The following ZNF789 variants were observed in gnomAD, a reference collection of about 807,000 sequenced individuals.
ZNF789 encodes zinc finger protein 789.
A neutral mutation model predicts 15.6 loss-of-function variants in ZNF789; 11 were observed. That is an observed-to-expected ratio of 0.70 (90% CI 0.44 to 1.16). ZNF789 has a LOEUF of 1.16. ZNF789 is among the 50% of genes most tolerant of loss of function. The pLI is 0.00. For missense variants in ZNF789, 461 were observed against 512.6 expected (o/e 0.90, Z 0.97); for synonymous variants, 159 against 176.0 (o/e 0.90, Z 0.76).
At chr7:99,486,323 A>T (rs990191135) in intron 4 of ZNF789, among the ~76,000 whole-genome samples, 153 bp from the exon 5 acceptor site, 1 of 152,150 alleles carries the variant, frequency 6.6e-6, no homozygotes, top group Admixed American at 6.6e-5. Context: ...TCAAAAAAAA[A>T]TTTCAGAGTT....
intron 3 of ZNF789, chr7:99,483,658 T>C: frequency 1.3e-6 from 1 of 777,118 alleles, no homozygotes; most frequent in Non-Finnish European, 2.4e-6. Context: ...AATACAAGGA[T>C]TTTTAATATC....
chr7:99,479,667 C>T lies in ZNF789; in HGVS notation c.31C>T (p.Leu11Phe). MFPPARGKELLSFEDVAMYFT... is the reference protein window; with the variant it reads MFPPARGKELFSFEDVAMYFT... ...TTATCAGCTACTTTTCCAGGAGCTG[C>T]TCTCGTTTGAGGATGTGGCGATGTA... Residue 11 changes from leucine to phenylalanine, a missense_variant, in exon 3 of 5, where the codon CTC becomes TTC. Coordinates refer to ENST00000331410, the MANE Select transcript of ZNF789 (RefSeq NM_213603.3). 1 of 1,592,698 alleles carries T rather than the reference C, an allele frequency of 6.3e-7. No individual in the cohort carries two copies. Among genetic ancestry groups the T allele is most frequent in the Admixed American group, 1.8e-5 (1 of 54,408 alleles).
At chr7:99,475,961 C>T (rs938188197) in intron 1 of ZNF789, among the ~76,000 whole-genome samples, 6 of 151,916 alleles carry the variant, frequency 3.9e-5, no homozygotes, top group African/African-American at 1.2e-4. Flanking sequence ...CCTGCCACCT[C>T]GCCCAGGTAA....
At chr7:99,473,445 A>G (rs1200175137) in intron 1 of ZNF789, among the ~76,000 whole-genome samples, 2 of 152,202 alleles carry the variant, frequency 1.3e-5, no homozygotes, top group Non-Finnish European at 2.9e-5. Flanking sequence ...TTGGAAAGCT[A>G]AATGAGGAAG....
At chr7:99,483,227 G>A (rs888802501) in intron 3 of ZNF789, among the ~76,000 whole-genome samples, 8 of 151,910 alleles carry the variant, frequency 5.3e-5, no homozygotes, top group Non-Finnish European at 4.4e-5. Context: ...GTGAAACTCC[G>A]TCTCAAAAAT....
At position 99,477,148 on chromosome 7, in the gene ZNF789, T is replaced by G. The variant is rs181125529; in HGVS notation, c.24+668T>G. 2.5e-3 allele frequency among the ~76,000 whole-genome samples: 383 copies of G among 152,126 alleles called. 2 individuals carry two copies. Among genetic ancestry groups the G allele is most frequent in the Non-Finnish European group, 2.0e-3 (136 of 67,994 alleles). The stretch of plus-strand genomic sequence containing the variant: ...TCCTCTGCCTCCCGGGTTCAAGTGA[T>G]TATCCTGCCTCAGCCTCCCAAGTAG... On this transcript the variant is annotated intron_variant, in intron 2 of 4. Coordinates refer to ENST00000331410, the MANE Select transcript of ZNF789 (RefSeq NM_213603.3).
chr7:99,479,522 C>A, intron 2 of ZNF789, 139 bp from the exon 3 acceptor site: 9 of 1,030,368 alleles, frequency 8.7e-6, no homozygotes, highest in South Asian at 2.0e-5. Flanking sequence ...CTGAAAGGAG[C>A]CCTGAATATA....
At chr7:99,481,016 A>C (rs946352931) in intron 3 of ZNF789, 1 of 152,254 alleles carries the variant, frequency 6.6e-6, no homozygotes. Context: ...GAAAGTGTTC[A>C]TGGGTAACAC....
chr7:99,484,159 A>T lies in ZNF789; in HGVS notation c.265+16A>T, dbSNP rs1284421125. ...GCTTGCCCAGGTGGGTGAGGAAGAG[A>T]CCCAGGCGAGTGGAATCAGGAAGAG... On this transcript the variant is annotated intron_variant, in intron 4 of 4. Transcript: ENST00000331410. 1 of 1,601,446 alleles carries T rather than the reference A, an allele frequency of 6.2e-7. No homozygotes were observed. The highest frequency in any genetic ancestry group is 1.3e-5 in the African/African-American group (1 of 74,226).
At chr7:99,484,275 G>C in intron 4 of ZNF789, 132 bp downstream of exon 4, 2 of 642,296 alleles carry the variant, frequency 3.1e-6, no homozygotes, top group East Asian at 5.5e-5. Context: ...CATCCCTACT[G>C]CCCTGTGAAG....
Position 99,487,075 on chromosome 7 carries a change from A to G in ZNF789, c.865A>G (p.Lys289Glu), listed in dbSNP as rs1423671498. 6.2e-7 allele frequency: 1 copy of G among 1,614,140 alleles called. No homozygotes were observed. Among genetic ancestry groups the G allele is most frequent in the South Asian group, 1.1e-5 (1 of 91,080 alleles). Reference sequence around the variant, plus strand: ...CAAAGAAAAACCTTATAAATGTAGCAAATGTGAAAAAACGTTTAGTCAGAA... The same window carrying G: ...CAAAGAAAAACCTTATAAATGTAGCGAATGTGAAAAAACGTTTAGTCAGAA... The part of the protein sequence containing the change: ...HTKEKPYKCS[K>E]CEKTFSQNST... The change falls in exon 5 of 5, where the codon AAA becomes GAA. Residue 289 changes from lysine to glutamate, a missense_variant. Physicochemically the swap from Lys to Glu is moderately conservative, Grantham distance 56. Coordinates refer to ENST00000331410, the MANE Select transcript of ZNF789 (RefSeq NM_213603.3).
chr7:99,474,015 A>G (rs1799164265), intron 1 of ZNF789, among the ~76,000 whole-genome samples: 1 of 152,176 alleles, frequency 6.6e-6, no homozygotes, highest in African/African-American at 2.4e-5. Context: ...TCCTGAACTC[A>G]AGGGAGAAAT....
At chr7:99,485,775 T>G (rs2151072501) in intron 4 of ZNF789, among the ~76,000 whole-genome samples, 1 of 152,280 alleles carries the variant, frequency 6.6e-6, no homozygotes, top group Non-Finnish European at 1.5e-5. Context: ...GAGGTTGCAA[T>G]GAGTTGAGAT....
chr7:99,479,581 T>A (rs183986103), intron 2 of ZNF789, 80 bp from the exon 3 acceptor site: 18 of 1,481,904 alleles, frequency 1.2e-5, no homozygotes, highest in Admixed American at 4.8e-5. Flanking sequence ...TCCCAAACCT[T>A]GGTTTCCTCA....
In ZNF789 at chr7:99,486,608, A is replaced by T. The variant is rs1421712919; in HGVS notation, c.398A>T (p.Lys133Ile). ...CTTTCAGAAAAGTTACATAAGTGTA[A>T]AGAATTTGTGGACAGTTGCAGGCTT... ...EKLSEKLHKC[K>I]EFVDSCRLTF... Residue 133 changes from lysine (K) to isoleucine (I), a missense_variant, in exon 5 of 5, where the codon AAA (lysine) becomes ATA (isoleucine). Lys to Ile is a moderately radical substitution (Grantham distance 102). Coordinates refer to ENST00000331410, the MANE Select transcript of ZNF789 (RefSeq NM_213603.3). The T allele has an allele frequency of 8.1e-6, 13 of 1,614,084 alleles. No homozygotes were observed. Among genetic ancestry groups the T allele is most frequent in the Non-Finnish European group, 1.1e-5 (13 of 1,180,046 alleles).
chr7:99,479,867 A>G (rs941480868), intron 3 of ZNF789, 80 bp downstream of exon 3: 9 of 1,468,100 alleles, frequency 6.1e-6, no homozygotes, highest in Non-Finnish European at 8.2e-6. Context: ...CTGCAATTCC[A>G]GAATCAGAAA....
chr7:99,478,004 C>T (rs1033346595), intron 2 of ZNF789, among the ~76,000 whole-genome samples: 2 of 152,110 alleles, frequency 1.3e-5, no homozygotes, highest in African/African-American at 4.8e-5. Context: ...TTTTAAGCAA[C>T]ATTTGGTGCC....
At chr7:99,475,662 C>T (rs777917531) in intron 1 of ZNF789, among the ~76,000 whole-genome samples, 37 of 152,104 alleles carry the variant, frequency 2.4e-4, no homozygotes, top group Non-Finnish European at 5.0e-4. Context: ...CCTGTTGGTC[C>T]TAAATTAAAG....
intron 1 of ZNF789, 119 bp downstream of exon 1, chr7:99,473,175 G>A (rs1409203673): frequency 6.6e-6 from 1 of 152,216 alleles, no homozygotes; most frequent in Non-Finnish European, 1.5e-5. Flanking sequence ...GGGGCCTGTG[G>A]CACCAGCTTT....
Sources: gnomAD v4.1 joint callset for allele counts (sites outside exome capture counted in the v4.1 genomes callset) on GRCh38, gnomAD v4.1.1 for gene constraint, MANE v1.5 for transcripts, NCBI Gene and HGNC (gene_info 2026-07-23, HGNC 2026-07-21) for gene names.